CNBD1: variants seen among roughly 807,000 people sequenced by gnomAD.
The protein encoded by CNBD1 is cyclic nucleotide-binding domain-containing protein 1.
Under a neutral mutation model 54.4 loss-of-function variants are expected in CNBD1, and 71 were observed. The ratio of observed to expected loss-of-function variants is 1.30; its 90% CI spans 1.08 to 1.59. The LOEUF (loss-of-function observed/expected upper bound fraction) is 1.59, where lower values mean the gene tolerates loss of function less well. CNBD1 is among the 40% of genes most tolerant of loss of function. CNBD1 has a pLI of 0.00. For synonymous variants in CNBD1, 182 were observed against 170.7 expected, an observed-to-expected ratio of 1.07 and a Z score of -0.51; for missense variants, 659 against 518.0, an observed-to-expected ratio of 1.27 and a Z score of -2.64.
rs138730189 is a variant in CNBD1, at chr8:87,260,602, A to G, written c.771+23490A>G. ...TTGCACAGGGAGAGAAAAGCCAGAA[A>G]TCTGACTGGTAAGAAACTCTTACCC... On this transcript the variant is annotated intron_variant, in intron 6 of 10. Transcript: ENST00000518476. Among the ~76,000 whole-genome samples, 264 of 152,254 alleles carry G rather than the reference A, an allele frequency of 1.7e-3. 2 individuals carry two copies. The highest frequency in any genetic ancestry group is 6.2e-3 in the African/African-American group (258 of 41,544).
intron 4 of CNBD1, among the ~76,000 whole-genome samples, chr8:87,136,594 ATTAT>A (rs371716278): frequency 2.4e-4 from 15 of 63,820 alleles, no homozygotes; most frequent in Non-Finnish European, 4.1e-4. Context: ...TAAATTATAT[ATTAT>A]ATTTATATTA....
intron 4 of CNBD1, among the ~76,000 whole-genome samples, chr8:87,039,440 A>G (rs1810017497): frequency 6.6e-6 from 1 of 152,020 alleles, no homozygotes. Context: ...CTGATGATAT[A>G]TTATTTCCCC....
chr8:86,962,648 T>C (rs924054313), intron 4 of CNBD1, among the ~76,000 whole-genome samples: 1 of 151,920 alleles, frequency 6.6e-6, no homozygotes, highest in African/African-American at 2.4e-5. Flanking sequence ...TAGCTGGGTG[T>C]GATGGCAGGT....
At chr8:87,028,941 T>G (rs1809717098) in intron 4 of CNBD1, among the ~76,000 whole-genome samples, 1 of 152,236 alleles carries the variant, frequency 6.6e-6, no homozygotes, top group Non-Finnish European at 1.5e-5. Flanking sequence ...CTACATCCTT[T>G]CTAACACTTG....
chr8:87,105,664 G>C lies in CNBD1; in HGVS notation c.432-100329G>C, dbSNP rs534525337. 3.3e-5 allele frequency among the ~76,000 whole-genome samples: 5 copies of C among 152,262 alleles called. No individual in the cohort carries two copies. The South Asian group carries it at 6.2e-4, about 19-fold the overall frequency. ...AAAGCATGGCCTCCCACCTGACAAAGAGTATAGCTGCTGTGCCTTCATTCT... is the reference window on the plus strand; with the variant it reads ...AAAGCATGGCCTCCCACCTGACAAACAGTATAGCTGCTGTGCCTTCATTCT... On this transcript the variant is annotated intron_variant, in intron 4 of 10. Coordinates refer to ENST00000518476, the MANE Select transcript of CNBD1 (RefSeq NM_173538.3).
chr8:87,034,405 C>T (rs936560428), intron 4 of CNBD1, among the ~76,000 whole-genome samples: 1 of 152,190 alleles, frequency 6.6e-6, no homozygotes, highest in African/African-American at 2.4e-5. Flanking sequence ...GTGTTTTAAG[C>T]TAATACTGGC....
intron 4 of CNBD1, among the ~76,000 whole-genome samples, chr8:86,941,496 G>C (rs1447056839): frequency 6.6e-6 from 1 of 152,176 alleles, no homozygotes; most frequent in Non-Finnish European, 1.5e-5. Context: ...TGGGCTGTAA[G>C]AGTTTTAATG....
At chr8:87,272,523 T>A (rs1323198095) in intron 6 of CNBD1, among the ~76,000 whole-genome samples, 4 of 152,002 alleles carry the variant, frequency 2.6e-5, no homozygotes, top group South Asian at 2.1e-4. Flanking sequence ...TTTAGTGTTA[T>A]GTGGGAGAAA....
intron 4 of CNBD1, among the ~76,000 whole-genome samples, chr8:86,986,441 TA>T (rs926555971): frequency 1.1e-4 from 16 of 152,276 alleles, no homozygotes; most frequent in East Asian, 3.9e-4. Context: ...AGTTCACAAA[TA>T]TTTTTTTCCC....
At chr8:86,971,351 A>G (rs770255741) in intron 4 of CNBD1, among the ~76,000 whole-genome samples, 6 of 152,186 alleles carry the variant, frequency 3.9e-5, no homozygotes, top group Non-Finnish European at 5.9e-5. Flanking sequence ...AACCATGCTC[A>G]TGATTCAATT....
chr8:87,369,822 C>A (rs1336507931), intron 10 of CNBD1, among the ~76,000 whole-genome samples: 3 of 151,922 alleles, frequency 2.0e-5, no homozygotes, highest in East Asian at 1.9e-4. Context: ...GTGTGCTGCA[C>A]CCATTAACTA....
intron 4 of CNBD1, among the ~76,000 whole-genome samples, chr8:86,990,307 C>T (rs112936552): frequency 6.6e-6 from 1 of 152,080 alleles, no homozygotes; most frequent in Non-Finnish European, 1.5e-5. Context: ...CAATGCTTTC[C>T]TGTAGTAGTT....
intron 4 of CNBD1, among the ~76,000 whole-genome samples, chr8:86,951,130 G>A (rs987771162): frequency 6.6e-6 from 1 of 151,936 alleles, no homozygotes; most frequent in Non-Finnish European, 1.5e-5. Context: ...TCAGCACTTA[G>A]GATTCTTATT....
intron 10 of CNBD1, among the ~76,000 whole-genome samples, chr8:87,376,427 T>C (rs1463207922): frequency 6.6e-6 from 1 of 151,872 alleles, no homozygotes; most frequent in African/African-American, 2.4e-5. Flanking sequence ...TACCGTCACA[T>C]TGGACGTTAG....
intron 1 of CNBD1, among the ~76,000 whole-genome samples, chr8:86,878,183 C>T (rs1471682437): frequency 6.6e-6 from 1 of 150,950 alleles, no homozygotes; most frequent in Non-Finnish European, 1.5e-5. Flanking sequence ...TATTCTAGTG[C>T]ATACTGCATA....
intron 3 of CNBD1, among the ~76,000 whole-genome samples, chr8:86,912,348 T>C (rs990255723): frequency 2.0e-5 from 3 of 152,212 alleles, no homozygotes; most frequent in African/African-American, 7.2e-5. Context: ...CAATGATGTA[T>C]TTGAATTATT....
intron 4 of CNBD1, among the ~76,000 whole-genome samples, chr8:87,168,262 C>A (rs1005207296): frequency 2.6e-5 from 4 of 151,790 alleles, no homozygotes; most frequent in Non-Finnish European, 4.4e-5. Flanking sequence ...AGTATGATTG[C>A]GTATCTATTT....
chr8:86,962,134 C>G (rs1807944893), intron 4 of CNBD1, among the ~76,000 whole-genome samples: 1 of 152,146 alleles, frequency 6.6e-6, no homozygotes, highest in South Asian at 2.1e-4. Flanking sequence ...ATCAATGATG[C>G]CTCCTTTGTT....
At chr8:87,332,287 G>A (rs756979569) in intron 8 of CNBD1, among the ~76,000 whole-genome samples, 1 of 151,558 alleles carries the variant, frequency 6.6e-6, no homozygotes, top group Non-Finnish European at 1.5e-5. Context: ...GGCGGAGGTT[G>A]CAGTGAGCTG....
Sources: allele counts gnomAD v4.1 joint callset (sites outside exome capture counted in the v4.1 genomes callset), GRCh38; gene constraint gnomAD v4.1.1; transcripts MANE v1.5; gene names NCBI Gene and HGNC (gene_info 2026-07-23, HGNC 2026-07-21).